The following PCDHA1 variants were observed in gnomAD, a reference collection of about 807,000 sequenced individuals.
PCDHA1 encodes the protein protocadherin alpha-1.
In PCDHA1, 42 loss-of-function variants were observed where a neutral mutation model predicts 61.3. The ratio of observed to expected loss-of-function variants is 0.69; its 90% CI spans 0.54 to 0.89. The LOEUF (loss-of-function observed/expected upper bound fraction) is 0.89, where lower values mean the gene tolerates loss of function less well. Among genes scored for constraint, PCDHA1 ranks in the 40% least tolerant of loss-of-function variants. PCDHA1 has a pLI of 0.00. For synonymous variants in PCDHA1, 610 were observed against 553.8 expected (o/e 1.10, Z -1.43); for missense variants, 1,256 against 1,235.3 (o/e 1.02, Z -0.25).
intron 1 of PCDHA1, among the ~76,000 whole-genome samples, chr5:140,941,241 T>TTCTTTCTTTCTTTCTTTCTC (rs1585048929): frequency 7.1e-6 from 1 of 140,568 alleles, no homozygotes; most frequent in East Asian, 2.0e-4. Context: ...CTTTCTTTCT[T>TTCTTTCTTTCTTTCTTTCTC]TCTTTCTTTC....
chr5:140,854,720 C>G (rs2043201249), intron 1 of PCDHA1: 1 of 149,654 alleles, frequency 6.7e-6, no homozygotes, highest in African/African-American at 2.4e-5. Flanking sequence ...AGACAGAAAA[C>G]TCAAGTTTTT....
intron 1 of PCDHA1, chr5:140,884,061 A>G: frequency 1.2e-6 from 2 of 1,613,342 alleles, no homozygotes; most frequent in Non-Finnish European, 1.7e-6. Flanking sequence ...CGCGCGGTGG[A>G]CGCCGATTCG....
intron 1 of PCDHA1, among the ~76,000 whole-genome samples, chr5:140,831,626 G>T (rs1771648020): frequency 6.7e-6 from 1 of 149,106 alleles, no homozygotes; most frequent in Non-Finnish European, 1.5e-5. Flanking sequence ...GCCTCCCAAA[G>T]TACTAAGATT....
intron 1 of PCDHA1, chr5:140,796,125 C>T (rs782297262): frequency 1.9e-6 from 3 of 1,614,240 alleles, no homozygotes; most frequent in Non-Finnish European, 2.5e-6. Context: ...ATGTCACCTG[C>T]TCCCTGACGC....
rs144735555 is a variant in PCDHA1 at position 140,884,569 on chromosome 5, G to C, written c.2395-94380G>C. The stretch of plus-strand genomic sequence containing the variant: ...GCTCTGGGGAGGGCCCGCATAAGAC[G>C]GACCTCATGGCCTTCAGTCCCAGCC... On this transcript the variant is annotated intron_variant, in intron 1 of 3. Transcript: ENST00000504120. 7 of 1,614,008 alleles carry C rather than the reference G, an allele frequency of 4.3e-6. No individual in the cohort carries two copies. In the African/African-American group the frequency reaches 8.0e-5, roughly 18 times the overall value.
chr5:140,837,954 C>T (rs1258074130), intron 1 of PCDHA1, among the ~76,000 whole-genome samples: 1 of 151,820 alleles, frequency 6.6e-6, no homozygotes, highest in Non-Finnish European at 1.5e-5. Context: ...ATTGGGATTA[C>T]AGACACGAAC....
chr5:140,806,241 A>T (rs187070111), intron 1 of PCDHA1, among the ~76,000 whole-genome samples: 85 of 152,330 alleles, frequency 5.6e-4, no homozygotes, highest in African/African-American at 1.9e-3. Flanking sequence ...TGTTTATTAA[A>T]AAAAGCTATT....
rs17844245 is a variant in PCDHA1, at chr5:140,795,310, G to T, written c.2394+6626G>T. Reference sequence around the variant, plus strand: ...GGTGATCGTGGACAGGCCGCTGCAGGTTTTCCATGTGGAAGTGGAGGTGAA... The same window carrying T: ...GGTGATCGTGGACAGGCCGCTGCAGTTTTTCCATGTGGAAGTGGAGGTGAA... On this transcript the variant is annotated intron_variant, in intron 1 of 3. Transcript: ENST00000504120. 2.7e-4 allele frequency: 440 copies of T among 1,614,220 alleles called. 3 individuals are homozygous for T. In the East Asian group the frequency reaches 9.4e-3, roughly 34 times the overall value.
intron 1 of PCDHA1, among the ~76,000 whole-genome samples, chr5:140,792,747 T>C (rs1218648278): frequency 6.6e-6 from 1 of 152,242 alleles, no homozygotes; most frequent in Admixed American, 6.5e-5. Flanking sequence ...ATTCCTTCTA[T>C]GTGTCAACAG....
intron 1 of PCDHA1, chr5:140,822,704 A>G (rs1767403436): frequency 1.2e-6 from 2 of 1,610,868 alleles, no homozygotes; most frequent in Admixed American, 3.3e-5. Context: ...CTGGATTATG[A>G]AGACTATAAC....
chr5:140,856,342 C>T (rs1286159283), intron 1 of PCDHA1: 3 of 1,598,498 alleles, frequency 1.9e-6, no homozygotes, highest in Non-Finnish European at 2.6e-6. Context: ...GCGGGCGGAG[C>T]GTGGAGTGCA....
At chr5:140,889,705 CA>C (rs1440108575) in intron 1 of PCDHA1, among the ~76,000 whole-genome samples, 2 of 152,132 alleles carry the variant, frequency 1.3e-5, no homozygotes, top group Non-Finnish European at 1.5e-5. Flanking sequence ...GCATATTCCA[CA>C]AGTTCTTTGC....
chr5:140,925,641 TATAATAATA>T (rs10569930), intron 1 of PCDHA1, among the ~76,000 whole-genome samples: 3,728 of 143,338 alleles, frequency 0.026, 107 homozygotes, highest in African/African-American at 0.059. Context: ...GAACTTAAAG[TATAATAATA>T]ATAATAATAA....
At chr5:140,815,777 T>C (rs1554126875) in intron 1 of PCDHA1, 1 of 152,220 alleles carries the variant, frequency 6.6e-6, no homozygotes, top group African/African-American at 2.4e-5. Flanking sequence ...CTAATTGTGA[T>C]CACCTTCAGC....
chr5:140,834,356 G>A, intron 1 of PCDHA1: 1 of 1,542,744 alleles, frequency 6.5e-7, no homozygotes, highest in Non-Finnish European at 8.7e-7. Context: ...AAGTTTTGCT[G>A]ACTAGAAAAA....
chr5:140,979,004 A>T lies in PCDHA1; in HGVS notation c.2450A>T (p.His817Leu). ...RYSASLRAGM[H>L]SSVHLEEAGI... Reference sequence around the variant, plus strand: ...TCTGCCTCCCTGAGAGCAGGCATGCACAGGTATGTATTTCCCTCCTCATTC... The same window carrying T: ...TCTGCCTCCCTGAGAGCAGGCATGCTCAGGTATGTATTTCCCTCCTCATTC... Residue 817 changes from histidine (H) to leucine (L), a missense_variant, in exon 2 of 4, where the codon CAC becomes CTC. His to Leu is a moderately conservative substitution (Grantham distance 99). Coordinates refer to ENST00000504120, the MANE Select transcript of PCDHA1 (RefSeq NM_018900.4). The T allele has an allele frequency of 6.2e-7, 1 of 1,614,144 alleles. No homozygotes were observed. Among genetic ancestry groups the T allele is most frequent in the South Asian group, 1.1e-5 (1 of 91,052 alleles).
At chr5:140,830,200 C>T (rs2150182679) in intron 1 of PCDHA1, 2 of 1,613,764 alleles carry the variant, frequency 1.2e-6, no homozygotes, top group Non-Finnish European at 1.7e-6. Flanking sequence ...TGATCATCGC[C>T]ATCTGCGCGG....
At chr5:140,938,684 A>T (rs1554212293) in intron 1 of PCDHA1, among the ~76,000 whole-genome samples, 1 of 152,046 alleles carries the variant, frequency 6.6e-6, no homozygotes, top group African/African-American at 2.4e-5. Flanking sequence ...CATTTTCTTT[A>T]CAGTTTTTAA....
chr5:140,873,656 A>G (rs1364222797), intron 1 of PCDHA1, among the ~76,000 whole-genome samples: 2 of 152,120 alleles, frequency 1.3e-5, no homozygotes, highest in Non-Finnish European at 2.9e-5. Flanking sequence ...TACATAACAC[A>G]CTATTATTAT....
Sources: gnomAD v4.1 joint callset for allele counts (sites outside exome capture counted in the v4.1 genomes callset) on GRCh38, gnomAD v4.1.1 for gene constraint, MANE v1.5 for transcripts, NCBI Gene and HGNC (gene_info 2026-07-23, HGNC 2026-07-21) for gene names.